Variants in G6PC3 observed in about 807,000 individuals in gnomAD.
G6PC3 encodes glucose-6-phosphatase 3.
G6PC3 carries 30 observed loss-of-function variants against 38.6 expected under a neutral mutation model. That is an observed-to-expected ratio of 0.78 (90% CI 0.58 to 1.05). The LOEUF is 1.05. Ranked by LOEUF, G6PC3 falls within the 50% of genes least tolerant of loss-of-function variation. The pLI, the probability that G6PC3 is intolerant of heterozygous loss-of-function variation, is 0.00. For missense variants in G6PC3, 377 were observed against 443.1 expected (o/e 0.85, Z 1.34); for synonymous variants, 192 against 178.1 (o/e 1.08, Z -0.62).
Position 44,075,469 on chromosome 17 carries a change from G to T in G6PC3, c.677+18G>T, listed in dbSNP as rs2050076364. The stretch of plus-strand genomic sequence containing the variant: ...CTTTCTTGGTAAGTCTCGCTTTGAA[G>T]CCTGGGCAGGCTGGGCCCTGTCCTA... On this transcript the variant is annotated intron_variant, in intron 5 of 5. Coordinates refer to ENST00000269097, the MANE Select transcript of G6PC3 (RefSeq NM_138387.4). 1.2e-6 allele frequency: 2 copies of T among 1,613,976 alleles called. No individual in the cohort carries two copies. Among genetic ancestry groups the T allele is most frequent in the South Asian group, 2.2e-5 (2 of 91,082 alleles).
rs946114161 is a variant in G6PC3, at chr17:44,070,789, C to T, written c.-177C>T. Reference sequence around the variant, plus strand: ...GGAGGAAACAGTACCGGCTGGAGGCCGGTCTTGCAGGAGCGGGGGACTGCT... The same window carrying T: ...GGAGGAAACAGTACCGGCTGGAGGCTGGTCTTGCAGGAGCGGGGGACTGCT... On this transcript the variant is annotated 5_prime_UTR_variant, in exon 1 of 6. Coordinates refer to ENST00000269097, the MANE Select transcript of G6PC3 (RefSeq NM_138387.4). The T allele has an allele frequency of 2.8e-6, 2 of 705,314 alleles. No homozygotes were observed. The highest frequency in any genetic ancestry group is 2.5e-6 in the Non-Finnish European group (1 of 401,854). The allele number at this position is 705,314 out of a possible 1,614,324, so 43.7% of individuals were successfully genotyped here.
Position 44,074,148 on chromosome 17 carries a change from GT to G in G6PC3, c.219-10del. ...GCATGTGGAAAGTCATCTTGCATCTGTTCTCTTCCAGGTTTCTTTTTGGAGA... is the reference window on the plus strand; with the variant it reads ...GCATGTGGAAAGTCATCTTGCATCTGTCTCTTCCAGGTTTCTTTTTGGAGA... On this transcript the variant is annotated splice_polypyrimidine_tract_variant and intron_variant, in intron 1 of 5. Transcript: ENST00000269097. 6.3e-7 allele frequency: 1 copy of G among 1,591,558 alleles called. No homozygotes were observed. Among genetic ancestry groups the G allele is most frequent in the Non-Finnish European group, 8.6e-7 (1 of 1,159,422 alleles).
chr17:44,073,970 C>G (rs972426074), intron 1 of G6PC3, 190 bp from the exon 2 acceptor site: 8 of 668,000 alleles, frequency 1.2e-5, no homozygotes, highest in African/African-American at 9.0e-5. Flanking sequence ...AGTGTGCTTT[C>G]TTTCTCCTGT....
At position 44,075,865 on chromosome 17, in the gene G6PC3, T is replaced by C. The variant is rs1412892077; in HGVS notation, c.863T>C (p.Val288Ala). Residue 288 changes from valine to alanine, a missense_variant, in exon 6 of 6, where the codon GTG becomes GCG. Val to Ala is a moderately conservative substitution (Grantham distance 64, BLOSUM62 0). Transcript: ENST00000269097. Reference sequence around the variant, plus strand: ...AATGGCCAGAAGATAGCCTGCCTTGTGCTGGCCATGGGGCTGCTGGGCCCC... The same window carrying C: ...AATGGCCAGAAGATAGCCTGCCTTGCGCTGGCCATGGGGCTGCTGGGCCCC... The part of the protein sequence containing the change: ...LGNGQKIACL[V>A]LAMGLLGPLD... 10 of 1,612,512 alleles carry C rather than the reference T, an allele frequency of 6.2e-6. No individual in the cohort carries two copies. The highest frequency in any genetic ancestry group is 8.5e-6 in the Non-Finnish European group (10 of 1,180,026).
chr17:44,070,717 T>G (rs553084692), upstream of G6PC3: 42 of 556,138 alleles, frequency 7.6e-5, no homozygotes, highest in South Asian at 8.2e-4. Context: ...TTACAAAGGT[T>G]TGTCCCCTGC....
In G6PC3 at chr17:44,076,169, C is replaced by T. The variant is rs762894942; in HGVS notation, c.*126C>T. 3.1e-5 allele frequency: 39 copies of T among 1,264,976 alleles called. No homozygotes were observed. Among genetic ancestry groups the T allele is most frequent in the South Asian group, 1.2e-4 (10 of 83,508 alleles). 78.4% of individuals were successfully genotyped at this position (1,264,976 alleles called of 1,614,324 possible). A position where few individuals can be genotyped will look rare whatever the true frequency, so the allele number is the denominator to read the frequency against. On this transcript the variant is annotated 3_prime_UTR_variant, in exon 6 of 6. Coordinates refer to ENST00000269097, the MANE Select transcript of G6PC3 (RefSeq NM_138387.4). ...GCCCTCCCCTCCCTAAATCTGCTTC[C>T]GCACCACCTGGTCTTAGCCCCAAAG... is the stretch of plus-strand genomic sequence containing the variant.
At chr17:44,072,654 G>A (rs1396787145) in intron 1 of G6PC3, 3 of 126,244 alleles carry the variant, frequency 2.4e-5, no homozygotes, top group African/African-American at 8.5e-5. Flanking sequence ...TATTCTTTTT[G>A]AGATGGAGTC....
Position 44,075,469 on chromosome 17 carries a change from GC to G in G6PC3, c.677+20del. 6.2e-7 allele frequency: 1 copy of G among 1,614,094 alleles called. No individual in the cohort carries two copies. The highest frequency in any genetic ancestry group is 8.5e-7 in the Non-Finnish European group (1 of 1,180,024). Reference sequence around the variant, plus strand: ...CTTTCTTGGTAAGTCTCGCTTTGAAGCCTGGGCAGGCTGGGCCCTGTCCTAT... The same window carrying G: ...CTTTCTTGGTAAGTCTCGCTTTGAAGCTGGGCAGGCTGGGCCCTGTCCTAT... On this transcript the variant is annotated intron_variant, in intron 5 of 5. Transcript: ENST00000269097.
chr17:44,072,627 C>CTTTTTTT (rs57662252), intron 1 of G6PC3: 10 of 127,432 alleles, frequency 7.8e-5, no homozygotes, highest in Non-Finnish European at 1.6e-4. Flanking sequence ...ACCTGGCATT[C>CTTTTTTT]TTTTTTTTTT....
chr17:44,075,610 G>A, intron 5 of G6PC3, 70 bp from the exon 6 acceptor site: 1 of 1,604,610 alleles, frequency 6.2e-7, no homozygotes, highest in Non-Finnish European at 8.5e-7. Context: ...GGGCCCCAAG[G>A]GCAGATGGCC....
At chr17:44,071,243 G>C in intron 1 of G6PC3, 60 bp downstream of exon 1, 1 of 1,574,614 alleles carries the variant, frequency 6.4e-7, no homozygotes, top group Non-Finnish European at 8.6e-7. Context: ...TGAGTCATGT[G>C]TAAGCCCTGG....
rs2049968906 is a variant in G6PC3, at chr17:44,071,076, C to A, written c.111C>A (p.Ile37=). Residue 37 remains isoleucine, a synonymous_variant, in exon 1 of 6, where the codon ATC becomes ATA. Transcript: ENST00000269097. The stretch of plus-strand genomic sequence containing the variant: ...TCACCTTTCTGGGCGATCCCAAGAT[C>A]CTCTTTCTGTTCTACTTCCCCGCGG... ...LWITFLGDPK[I]LFLFYFPAAY... The A allele has an allele frequency of 6.2e-7, 1 of 1,612,874 alleles. No individual in the cohort carries two copies. Among genetic ancestry groups the A allele is most frequent in the Admixed American group, 1.7e-5 (1 of 59,896 alleles).
At chr17:44,072,289 C>G (rs1478925773) in intron 1 of G6PC3, 1 of 152,242 alleles carries the variant, frequency 6.6e-6, no homozygotes, top group Non-Finnish European at 1.5e-5. Context: ...ATTAATGTCC[C>G]CCAAGTGGCA....
chr17:44,075,617 G>A, intron 5 of G6PC3, 63 bp from the exon 6 acceptor site: 1 of 1,605,448 alleles, frequency 6.2e-7, no homozygotes, highest in Non-Finnish European at 8.5e-7. Context: ...AAGGGCAGAT[G>A]GCCAAGAGCC....
Position 44,074,755 on chromosome 17 carries a change from C to A in G6PC3, c.401C>A (p.Ala134Asp). The change falls in exon 3 of 6, where the codon GCC becomes GAC. Residue 134 changes from alanine (A) to aspartate (D), a missense_variant. Coordinates refer to ENST00000269097, the MANE Select transcript of G6PC3 (RefSeq NM_138387.4). ...ATGACGGCCCTGTCTTCGCAGGTGG[C>A]CACTCGGGCCCGCAGGTATACCCTT... ...PIMTALSSQV[A>D]TRARSRWVRV... 1.2e-6 allele frequency: 2 copies of A among 1,613,910 alleles called. No homozygotes were observed. Among genetic ancestry groups the A allele is most frequent in the Middle Eastern group, 1.6e-4 (1 of 6,062 alleles).
intron 2 of G6PC3, 112 bp from the exon 3 acceptor site, chr17:44,074,568 T>C: frequency 1.1e-6 from 1 of 898,126 alleles, no homozygotes; most frequent in East Asian, 2.6e-5. Context: ...GAATCAGTGC[T>C]GGGGAAAAGC....
At position 44,071,669 on chromosome 17, in the gene G6PC3, A is replaced by G. The variant is rs572709177; in HGVS notation, c.218+486A>G. On this transcript the variant is annotated intron_variant, in intron 1 of 5. Coordinates refer to ENST00000269097, the MANE Select transcript of G6PC3 (RefSeq NM_138387.4). Reference sequence around the variant, plus strand: ...GGGCATCACGGTAGCTGCTAAGGACAGAGACACCTTGCAGATTAAGGTGTG... The same window carrying G: ...GGGCATCACGGTAGCTGCTAAGGACGGAGACACCTTGCAGATTAAGGTGTG... 66 of 1,283,866 alleles carry G rather than the reference A, an allele frequency of 5.1e-5. No homozygotes were observed. In the African/African-American group the frequency reaches 9.6e-4, roughly 19 times the overall value. 79.5% of individuals were successfully genotyped at this position (1,283,866 alleles called of 1,614,324 possible).
At chr17:44,073,423 C>CA (rs1402759180) in intron 1 of G6PC3, 8 of 153,110 alleles carry the variant, frequency 5.2e-5, no homozygotes, top group African/African-American at 1.9e-4. Flanking sequence ...CGGCTTACCA[C>CA]AATCTCTTGC....
intron 1 of G6PC3, chr17:44,073,167 T>G (rs968817915): frequency 6.6e-6 from 1 of 152,292 alleles, no homozygotes; most frequent in Non-Finnish European, 1.5e-5. Flanking sequence ...TTTTTTGTCC[T>G]CCTTATTCTT....
Sources: allele counts gnomAD v4.1 joint callset, GRCh38; gene constraint gnomAD v4.1.1; transcripts MANE v1.5; gene names NCBI Gene and HGNC (gene_info 2026-07-23, HGNC 2026-07-21).